EEF2: variants seen among roughly 807,000 people sequenced by gnomAD.
The protein encoded by EEF2 is elongation factor 2.
In EEF2, 21 loss-of-function variants were observed where a neutral mutation model predicts 85.3. The ratio of observed to expected loss-of-function variants is 0.25; its 90% CI spans 0.17 to 0.35. EEF2 has a LOEUF of 0.35. Among genes scored for constraint, EEF2 ranks in the 10% least tolerant of loss-of-function variants. The pLI is 1.00. For missense variants in EEF2, 825 were observed against 1,225.3 expected (o/e 0.67, Z 4.88); for synonymous variants, 723 against 508.8 (o/e 1.42, Z -5.67).
In EEF2 at chr19:3,978,344, A is replaced by G. The variant is rs182115023; in HGVS notation, c.1714-172T>C. Among the ~76,000 whole-genome samples, 956 of 152,148 alleles carry G rather than the reference A, an allele frequency of 6.3e-3. 11 individuals carry two copies. The highest frequency in any genetic ancestry group is 0.022 in the African/African-American group (907 of 41,562). ...CAGTGCCAAGCGCATCTCACTCCAG[A>G]CAAGGACAAGGAGCAGGGGCTCCAC... is the stretch of plus-strand genomic sequence containing the variant. On this transcript the variant is annotated intron_variant, in intron 11 of 14. Coordinates refer to ENST00000309311, the MANE Select transcript of EEF2 (RefSeq NM_001961.4).
At chr19:3,981,844 A>G (rs1252196469) in intron 6 of EEF2, 103 bp downstream of exon 6, 1 of 1,065,788 alleles carries the variant, frequency 9.4e-7, no homozygotes, top group East Asian at 2.4e-5. Context: ...CATCTGCCCC[A>G]CAAGGAGACG....
Position 3,977,298 on chromosome 19 carries a change from C to T in EEF2, c.2300G>A (p.Arg767Gln), listed in dbSNP as rs529147290. The T allele has an allele frequency of 1.2e-6, 2 of 1,605,952 alleles. No individual in the cohort carries two copies. The highest frequency in any genetic ancestry group is 1.7e-5 in the Admixed American group (1 of 58,420). The stretch of plus-strand genomic sequence containing the variant: ...CTGGGACTCCTCGAACACGTGGCCC[C>T]GCTTCCTGTTCAAAACCCCGTAGAT... ...GGIYGVLNRKRGHVFEESQVA... is the reference protein window; with the variant it reads ...GGIYGVLNRKQGHVFEESQVA... The change falls in exon 14 of 15, where the codon CGG (arginine) becomes CAG (glutamine). Residue 767 changes from arginine to glutamine, a missense_variant. Arg to Gln is a conservative substitution (Grantham distance 43). Transcript: ENST00000309311. The surrounding 1 kb of genome is among the most constrained non-coding windows in gnomAD (Gnocchi z 5.4).
rs771817071 is a variant in EEF2, at chr19:3,982,886, A to G, written c.533T>C (p.Phe178Ser). 5.0e-6 allele frequency: 8 copies of G among 1,613,576 alleles called. No homozygotes were observed. The highest frequency in any genetic ancestry group is 1.3e-5 in the African/African-American group (1 of 74,908). The change falls in exon 4 of 15, where the codon TTC becomes TCC. Residue 178 changes from phenylalanine to serine, a missense_variant. Coordinates refer to ENST00000309311, the MANE Select transcript of EEF2 (RefSeq NM_001961.4). ...GTTCACGTTCTCCACGATGCGCTGG[A>G]AAGTCTGGTAGAGCTCCTCGGGCTC... ...QLEPEELYQT[F>S]QRIVENVNVI...
In EEF2 at chr19:3,982,820, A is replaced by G; in HGVS notation, c.599T>C (p.Met200Thr). Residue 200 changes from methionine (M) to threonine (T), a missense_variant, in exon 4 of 15, where the codon ATG becomes ACG. Coordinates refer to ENST00000309311, the MANE Select transcript of EEF2 (RefSeq NM_001961.4). ...STYGEGESGP[M>T]GNIMIDPVLG... ...GGAGGGCCGTACCATGATGTTGCCC[A>G]TGGGGCCGCTCTCGCCCTCGCCGTA... The G allele has an allele frequency of 6.2e-7, 1 of 1,611,372 alleles. No homozygotes were observed. The highest frequency in any genetic ancestry group is 8.5e-7 in the Non-Finnish European group (1 of 1,179,326).
rs779559837 is a variant in EEF2 at position 3,985,438 on chromosome 19, G to A, written c.-58C>T. 7.3e-5 allele frequency: 106 copies of A among 1,450,322 alleles called. 1 individual carries two copies. Among genetic ancestry groups the A allele is most frequent in the Middle Eastern group, 5.4e-4 (3 of 5,518 alleles). The allele number at this position is 1,450,322 out of a possible 1,614,324, so 89.8% of individuals were successfully genotyped here. On this transcript the variant is annotated 5_prime_UTR_variant, in exon 1 of 15. Coordinates refer to ENST00000309311, the MANE Select transcript of EEF2 (RefSeq NM_001961.4). ...AACCGAAAGAAGCGAGTCGCGCCGA[G>A]GATGGCGGCGACGACGGCGGAAGAG...
At chr19:3,982,185 C>A in intron 5 of EEF2, 61 bp downstream of exon 5, 1 of 1,605,650 alleles carries the variant, frequency 6.2e-7, no homozygotes, top group South Asian at 1.1e-5. Context: ...CACCACGCCC[C>A]TACGTCGCTG....
rs1236665867 is a variant in EEF2, at chr19:3,979,985, G to A, written c.1428C>T (p.Asp476=). ...TGGTGCCCGTCTTCACCAGGAACTG[G>A]TCCACGCCCACGAGGCCCACAATGT... The part of the protein sequence containing the change: ...CGNIVGLVGV[D]QFLVKTGTIT... Residue 476 remains aspartate, a synonymous_variant, in exon 10 of 15, where the codon GAC becomes GAT. Coordinates refer to ENST00000309311, the MANE Select transcript of EEF2 (RefSeq NM_001961.4). 1.2e-6 allele frequency: 2 copies of A among 1,613,914 alleles called. No homozygotes were observed. Among genetic ancestry groups the A allele is most frequent in the South Asian group, 2.2e-5 (2 of 91,088 alleles).
chr19:3,976,424 G>T lies in EEF2; in HGVS notation c.*130C>A. ...TTATGGTTGAGTGATGGCACGCAGC[G>T]GGCCCCAGAAACCTCTCAGGGGAGC... is the stretch of plus-strand genomic sequence containing the variant. On this transcript the variant is annotated 3_prime_UTR_variant, in exon 15 of 15. Transcript: ENST00000309311. 2.0e-6 allele frequency: 2 copies of T among 1,002,198 alleles called. No homozygotes were observed. The highest frequency in any genetic ancestry group is 2.9e-6 in the Non-Finnish European group (2 of 694,256). 62.1% of individuals were successfully genotyped at this position (1,002,198 alleles called of 1,614,324 possible).
At chr19:3,981,852 A>C (rs2039752466) in intron 6 of EEF2, 95 bp downstream of exon 6, 2 of 1,133,382 alleles carry the variant, frequency 1.8e-6, no homozygotes, top group East Asian at 4.7e-5. Context: ...CCACAAGGAG[A>C]CGGGCCCAGT....
chr19:3,980,107 T>G (rs367974359), intron 9 of EEF2, 41 bp from the exon 10 acceptor site: 1 of 1,593,452 alleles, frequency 6.3e-7, no homozygotes, highest in Admixed American at 1.7e-5. Flanking sequence ...CAGGGATGGT[T>G]GTGCTGGACC....
chr19:3,984,718 C>T (rs1421879269), intron 1 of EEF2: 1 of 223,954 alleles, frequency 4.5e-6, no homozygotes, highest in African/African-American at 2.3e-5. Context: ...GCCACCCAAA[C>T]TTCCCCGAGC....
rs748717359 is a variant in EEF2, at chr19:3,980,682, G to A, written c.1178C>T (p.Pro393Leu). The A allele has an allele frequency of 1.9e-6, 3 of 1,613,844 alleles. No homozygotes were observed. Among genetic ancestry groups the A allele is most frequent in the South Asian group, 1.1e-5 (1 of 91,082 alleles). ...MGIKSCDPKG[P>L]LMMYISKMVP... ...CATTTTGGAAATATACATCATAAGA[G>A]GGCCTTTGGGGTCACAGCTTTTAAT... Residue 393 changes from proline to leucine, a missense_variant, in exon 9 of 15, where the codon CCT becomes CTT. Coordinates refer to ENST00000309311, the MANE Select transcript of EEF2 (RefSeq NM_001961.4).
Position 3,980,991 on chromosome 19 carries a change from G to A in EEF2, c.1012-12C>T, listed in dbSNP as rs370654217. 4 of 1,565,716 alleles carry A rather than the reference G, an allele frequency of 2.6e-6. No homozygotes were observed. The African/African-American group carries it at 4.1e-5, about 16-fold the overall frequency. On this transcript the variant is annotated splice_polypyrimidine_tract_variant and intron_variant, in intron 7 of 14. Coordinates refer to ENST00000309311, the MANE Select transcript of EEF2 (RefSeq NM_001961.4). ...CGGCGCATCACAGCCTGCGGGGGCA[G>A]AGAGCGGTGCATGAGACACCTGGGG...
intron 1 of EEF2, among the ~76,000 whole-genome samples, chr19:3,984,589 G>T (rs528536967): frequency 3.9e-5 from 6 of 152,276 alleles, no homozygotes; most frequent in Admixed American, 2.6e-4. Flanking sequence ...AAGTGCTCAG[G>T]AATAAAACTG....
In EEF2 at chr19:3,977,569, G is replaced by A. The variant is rs138319587; in HGVS notation, c.2109C>T (p.Asp703=). 2.8e-4 allele frequency: 445 copies of A among 1,566,612 alleles called. No homozygotes were observed. Among genetic ancestry groups the A allele is most frequent in the South Asian group, 4.0e-4 (34 of 85,434 alleles). Residue 703 remains aspartate (D), a synonymous_variant, in exon 13 of 15, where the codon GAC becomes GAT. Coordinates refer to ENST00000309311, the MANE Select transcript of EEF2 (RefSeq NM_001961.4). This position sits in a 1 kb window ranked among gnomAD's most constrained non-coding sequence, Gnocchi z 5.4. ...CEENMRGVRF[D]VHDVTLHADA... ...CGGCGTGCAGGGTGACGTCGTGGACGTCGAAGCGCACACCCCGCATGTTCT... is the reference window on the plus strand; with the variant it reads ...CGGCGTGCAGGGTGACGTCGTGGACATCGAAGCGCACACCCCGCATGTTCT...
Position 3,981,319 on chromosome 19 carries a change from G to C in EEF2, c.1011+20C>G, listed in dbSNP as rs1253940092. ...GCAGCCTGTGTTCCCTCCACCCCGA[G>C]GGCTGGGCCCAGGCCGCACCTTCAG... On this transcript the variant is annotated intron_variant, in intron 7 of 14. Coordinates refer to ENST00000309311, the MANE Select transcript of EEF2 (RefSeq NM_001961.4). 1.2e-6 allele frequency: 2 copies of C among 1,611,268 alleles called. No individual in the cohort carries two copies. Among genetic ancestry groups the C allele is most frequent in the South Asian group, 2.2e-5 (2 of 91,032 alleles).
intron 11 of EEF2, among the ~76,000 whole-genome samples, chr19:3,979,035 G>A (rs1035991343): frequency 1.3e-5 from 2 of 151,948 alleles, no homozygotes; most frequent in Admixed American, 6.6e-5. Context: ...AGCTGAGTGA[G>A]GCAAGAGAAT....
rs934348707 is a variant in EEF2 at position 3,976,159 on chromosome 19, C to A, written c.*395G>T. The A allele has an allele frequency of 3.4e-5, 8 of 236,070 alleles. No individual in the cohort carries two copies. Among genetic ancestry groups the A allele is most frequent in the Non-Finnish European group, 6.7e-5 (8 of 118,632 alleles). The allele number at this position is 236,070 out of a possible 1,614,324, so 14.6% of individuals were successfully genotyped here. On this transcript the variant is annotated 3_prime_UTR_variant, in exon 15 of 15. Coordinates refer to ENST00000309311, the MANE Select transcript of EEF2 (RefSeq NM_001961.4). ...CTGCCTGCTAGAAATCATCTACCCG[C>A]GTGTTCCTTTCCCCTTTCTGGGGCA...
Position 3,982,798 on chromosome 19 carries a change from G to C in EEF2, c.612+9C>G. On this transcript the variant is annotated intron_variant, in intron 4 of 14. Coordinates refer to ENST00000309311, the MANE Select transcript of EEF2 (RefSeq NM_001961.4). ...GGCAAGCCCACCACCCAGCTAGGGA[G>C]GGCCGTACCATGATGTTGCCCATGG... 2.5e-6 allele frequency: 4 copies of C among 1,606,504 alleles called. No homozygotes were observed. The highest frequency in any genetic ancestry group is 1.1e-5 in the South Asian group (1 of 90,096).
Sources: gnomAD v4.1 joint callset for allele counts (sites outside exome capture counted in the v4.1 genomes callset) on GRCh38, gnomAD v4.1.1 for gene constraint, Gnocchi (gnomAD v3.1) non-coding constraint, MANE v1.5 for transcripts, NCBI Gene and HGNC (gene_info 2026-07-23, HGNC 2026-07-21) for gene names.